TMPRSS6: variants seen among roughly 807,000 people sequenced by gnomAD.
TMPRSS6 encodes transmembrane protease serine 6.
A neutral mutation model predicts 101.5 loss-of-function variants in TMPRSS6; 67 were observed. The ratio of observed to expected loss-of-function variants is 0.66; its 90% CI spans 0.54 to 0.81. TMPRSS6 has a LOEUF of 0.81. Among genes scored for constraint, TMPRSS6 ranks in the 30% least tolerant of loss-of-function variants. The pLI is 0.00. For missense variants in TMPRSS6, 1,034 were observed against 1,088.7 expected, an observed-to-expected ratio of 0.95 and a Z score of 0.71; for synonymous variants, 453 against 464.9, an observed-to-expected ratio of 0.97 and a Z score of 0.33.
rs1309347695 is a variant in TMPRSS6, at chr22:37,101,168, G to C, written c.202+2048C>G. 6.6e-6 allele frequency among the ~76,000 whole-genome samples: 1 copy of C among 152,122 alleles called. No individual in the cohort carries two copies. The highest frequency in any genetic ancestry group is 1.9e-4 in the East Asian group (1 of 5,188). ...GCATCCTTGCTGGTGCTGGGCCATT[G>C]TGTGGGCAGAGGGGGCGGGATCGGG... On this transcript the variant is annotated intron_variant, in intron 2 of 17. Transcript: ENST00000676104. The surrounding 1 kb of genome is among the most constrained non-coding windows in gnomAD (Gnocchi z 4.1).
At position 37,065,522 on chromosome 22, in the gene TMPRSS6, G is replaced by A. The variant is rs1352569729; in HGVS notation, c.*558C>T. 6.4e-6 allele frequency: 1 copy of A among 156,490 alleles called. No individual in the cohort carries two copies. Among genetic ancestry groups the A allele is most frequent in the Admixed American group, 6.1e-5 (1 of 16,334 alleles). The allele number at this position is 156,490 out of a possible 1,614,324, so 9.7% of individuals were successfully genotyped here. A position where few individuals can be genotyped will look rare whatever the true frequency, so the allele number is the denominator to read the frequency against. ...TGTGAGGGCCCAGGTGGCAGGCAGG[G>A]GTGGGGCAAGGACCCTGGAGTCAGG... is the stretch of plus-strand genomic sequence containing the variant. On this transcript the variant is annotated 3_prime_UTR_variant, in exon 18 of 18. Transcript: ENST00000676104.
intron 10 of TMPRSS6, among the ~76,000 whole-genome samples, chr22:37,078,379 C>T (rs1475238185): frequency 6.6e-6 from 1 of 152,178 alleles, no homozygotes; most frequent in Admixed American, 6.5e-5. Context: ...GTCCTAGAAC[C>T]AGTCTGTAGC....
chr22:37,078,057 A>G (rs1047044581), intron 10 of TMPRSS6, among the ~76,000 whole-genome samples: 4 of 152,210 alleles, frequency 2.6e-5, no homozygotes, highest in Non-Finnish European at 4.4e-5. Context: ...TTGTCTATAA[A>G]GTTATCATGG....
At chr22:37,067,686 G>A (rs1220321898) in intron 16 of TMPRSS6, among the ~76,000 whole-genome samples, 5 of 152,120 alleles carry the variant, frequency 3.3e-5, no homozygotes, top group East Asian at 1.9e-4. Context: ...CTGCCCTAGC[G>A]CTTCTCCACG....
chr22:37,074,757 A>T, intron 11 of TMPRSS6, 49 bp from the exon 12 acceptor site: 10 of 1,593,392 alleles, frequency 6.3e-6, no homozygotes, highest in Non-Finnish European at 8.6e-6. Flanking sequence ...CCATTAGGCC[A>T]TGCGTAGCCG....
chr22:37,078,971 GA>G (rs376116581), intron 10 of TMPRSS6, among the ~76,000 whole-genome samples: 1 of 46,888 alleles, frequency 2.1e-5, no homozygotes, highest in Non-Finnish European at 4.3e-5. Flanking sequence ...AAGAAAGAAA[GA>G]AAAAGAAAGA....
rs750121731 is a variant in TMPRSS6, at chr22:37,066,852, G to A, written c.2224C>T (p.Arg742Cys). 7.4e-6 allele frequency: 12 copies of A among 1,614,044 alleles called. No homozygotes were observed. Among genetic ancestry groups the A allele is most frequent in the Admixed American group, 1.7e-5 (1 of 60,010 alleles). The change falls in exon 17 of 18, where the codon CGC (arginine) becomes TGC (cysteine). Residue 742 changes from arginine to cysteine, a missense_variant. By Grantham distance (180) the Arg-to-Cys change is radical. Transcript: ENST00000676104. ...VTPRMLCAGYRKGKKDACQGD... is the reference protein window; with the variant it reads ...VTPRMLCAGYCKGKKDACQGD... Reference sequence around the variant, plus strand: ...TGACAGGCATCCTTCTTGCCCTTGCGGTAGCCGGCACACAGCATGCGTGGC... The same window carrying A: ...TGACAGGCATCCTTCTTGCCCTTGCAGTAGCCGGCACACAGCATGCGTGGC...
intron 2 of TMPRSS6, among the ~76,000 whole-genome samples, chr22:37,098,884 G>A (rs769677880): frequency 3.1e-4 from 47 of 152,190 alleles, no homozygotes; most frequent in Non-Finnish European, 7.3e-5. Flanking sequence ...GGCCCAGGAG[G>A]CCAAGGTCAT....
intron 8 of TMPRSS6, 34 bp downstream of exon 8, chr22:37,086,249 C>A (rs113287112): frequency 1.9e-6 from 3 of 1,613,980 alleles, no homozygotes; most frequent in African/African-American, 2.7e-5. Context: ...CTACCACCAC[C>A]CCTCCCCTGC....
chr22:37,106,743 C>T (rs934103375), intron 1 of TMPRSS6, among the ~76,000 whole-genome samples: 9 of 152,170 alleles, frequency 5.9e-5, no homozygotes, highest in Admixed American at 1.3e-4. Flanking sequence ...CCAAGACCCT[C>T]CATGGCCAGG....
chr22:37,082,891 G>T (rs1928377843), intron 10 of TMPRSS6: 1 of 451,296 alleles, frequency 2.2e-6, no homozygotes, highest in African/African-American at 2.0e-5. Context: ...CAGATAAATT[G>T]CAAAAAGGAG....
Position 37,072,453 on chromosome 22 carries a change from TGATG to T in TMPRSS6, c.1555+1075_1555+1078del, listed in dbSNP as rs200830764. Among the ~76,000 whole-genome samples the T allele has an allele frequency of 8.1e-3, 757 of 93,668 alleles. 19 individuals carry two copies. The highest frequency in any genetic ancestry group is 0.031 in the African/African-American group (644 of 20,890). 61.4% of individuals were successfully genotyped at this position (93,668 alleles called of 152,430 possible). ...GATTGATGGATGATGGATGGATGGA[TGATG>T]GATGGATGGATGGATGGATGGATGG... On this transcript the variant is annotated intron_variant, in intron 13 of 17. Transcript: ENST00000676104.
chr22:37,077,757 TATA>T (rs752417987), intron 10 of TMPRSS6, among the ~76,000 whole-genome samples: 23 of 152,382 alleles, frequency 1.5e-4, no homozygotes, highest in Admixed American at 3.9e-4. Flanking sequence ...GTAATGGGCT[TATA>T]ATTATATTAA....
intron 10 of TMPRSS6, among the ~76,000 whole-genome samples, chr22:37,081,818 G>C (rs1928296630): frequency 6.6e-6 from 1 of 152,246 alleles, no homozygotes; most frequent in African/African-American, 2.4e-5. Context: ...CTGTACCATA[G>C]GTTGGGTGCT....
chr22:37,068,961 C>G, intron 16 of TMPRSS6, 112 bp downstream of exon 16: 1 of 1,477,100 alleles, frequency 6.8e-7, no homozygotes, highest in Non-Finnish European at 9.0e-7. Context: ...CACTAGAGGG[C>G]CTATGGGGTG....
At chr22:37,089,011 A>T (rs1397594786) in intron 7 of TMPRSS6, among the ~76,000 whole-genome samples, 1 of 152,186 alleles carries the variant, frequency 6.6e-6, no homozygotes, top group Non-Finnish European at 1.5e-5. Flanking sequence ...CTTACATTTA[A>T]TCCGTGAGCT....
Position 37,066,865 on chromosome 22 carries a change from C to T in TMPRSS6, c.2211G>A (p.Leu737=), listed in dbSNP as rs562834089. The T allele has an allele frequency of 1.3e-4, 202 of 1,614,082 alleles. No individual in the cohort carries two copies. The highest frequency in any genetic ancestry group is 1.7e-4 in the Non-Finnish European group (196 of 1,180,038). The change falls in exon 17 of 18, where the codon CTG becomes CTA. Residue 737 remains leucine (L), a synonymous_variant. Coordinates refer to ENST00000676104, the MANE Select transcript of TMPRSS6 (RefSeq NM_001374504.1). ...TCTTGCCCTTGCGGTAGCCGGCACA[C>T]AGCATGCGTGGCGTCACCTGGTAGC... ...VYRYQVTPRM[L]CAGYRKGKKD... is the part of the protein sequence containing the mutation.
In TMPRSS6 at chr22:37,103,291, G is replaced by T. The variant is rs750274321; in HGVS notation, c.127C>A (p.Arg43Ser). The T allele has an allele frequency of 1.2e-6, 2 of 1,614,048 alleles. No individual in the cohort carries two copies. The highest frequency in any genetic ancestry group is 1.7e-6 in the Non-Finnish European group (2 of 1,180,020). ...DSKRKARGYL[R>S]LVPLFVLLAL... ...AGCAGCACAAACAGGGGCACCAGGC[G>T]GAGGTAGCCCCGGGCTTTTCTCTTG... The change falls in exon 2 of 18, where the codon CGC becomes AGC. Residue 43 changes from arginine (R) to serine (S), a missense_variant. Coordinates refer to ENST00000676104, the MANE Select transcript of TMPRSS6 (RefSeq NM_001374504.1). The surrounding 1 kb of genome is among the most constrained non-coding windows in gnomAD (Gnocchi z 4.4).
Position 37,089,573 on chromosome 22 carries a change from C to G in TMPRSS6, c.836+5G>C, listed in dbSNP as rs751888189. 15 of 1,595,014 alleles carry G rather than the reference C, an allele frequency of 9.4e-6. No individual in the cohort carries two copies. The highest frequency in any genetic ancestry group is 1.3e-5 in the African/African-American group (1 of 74,250). Reference sequence around the variant, plus strand: ...TCCCTCCTGCCCTCCTTCCCAGGGACTCACGAGGTGATGAGCCTCTTCTCC... The same window carrying G: ...TCCCTCCTGCCCTCCTTCCCAGGGAGTCACGAGGTGATGAGCCTCTTCTCC... On this transcript the variant is annotated splice_donor_5th_base_variant and intron_variant, in intron 7 of 17. Coordinates refer to ENST00000676104, the MANE Select transcript of TMPRSS6 (RefSeq NM_001374504.1).
Sources: allele counts gnomAD v4.1 joint callset (sites outside exome capture counted in the v4.1 genomes callset), GRCh38; gene constraint gnomAD v4.1.1; non-coding constraint Gnocchi (gnomAD v3.1); transcripts MANE v1.5; gene names NCBI Gene and HGNC (gene_info 2026-07-23, HGNC 2026-07-21).